Variants in WDR7 observed in about 807,000 individuals in gnomAD.
WDR7 encodes WD repeat domain 7, also known as WD repeat-containing protein 7.
A neutral mutation model predicts 169.4 loss-of-function variants in WDR7; 46 were observed. The ratio of observed to expected loss-of-function variants is 0.27; its 90% CI spans 0.21 to 0.35. The LOEUF is 0.35. Ranked by LOEUF, WDR7 falls within the 10% of genes least tolerant of loss-of-function variation. The pLI, the probability that WDR7 is intolerant of heterozygous loss-of-function variation, is 1.00. For synonymous variants in WDR7, 612 were observed against 666.8 expected, an observed-to-expected ratio of 0.92 and a Z score of 1.27; for missense variants, 1,534 against 1,859.3, an observed-to-expected ratio of 0.83 and a Z score of 3.22.
chr18:56,724,999 C>A (rs576125487), intron 13 of WDR7, among the ~76,000 whole-genome samples: 1 of 151,920 alleles, frequency 6.6e-6, no homozygotes, highest in African/African-American at 2.4e-5. Context: ...TTTTTTATGG[C>A]TGCATAGTAT....
rs201100872 is a variant in WDR7 at position 56,691,288 on chromosome 18, G to C, written c.790G>C (p.Asp264His). 9.3e-6 allele frequency: 15 copies of C among 1,608,262 alleles called. No homozygotes were observed. Among genetic ancestry groups the C allele is most frequent in the Non-Finnish European group, 1.3e-5 (15 of 1,178,860 alleles). Residue 264 changes from aspartate to histidine, a missense_variant, in exon 8 of 28, where the codon GAC becomes CAC. By Grantham distance (81) the Asp-to-His change is moderately conservative. Coordinates refer to ENST00000254442, the MANE Select transcript of WDR7 (RefSeq NM_015285.3). ...AAATGGACAGACATGGACCGGGGGGGACTTTGTCTCATCAGATAAAGTCAT... is the reference window on the plus strand; with the variant it reads ...AAATGGACAGACATGGACCGGGGGGCACTTTGTCTCATCAGATAAAGTCAT... ...SENGQTWTGG[D>H]FVSSDKVIIW...
In WDR7 at chr18:57,027,283, A is replaced by G. The variant is rs1305777572; in HGVS notation, c.*76A>G. 2.3e-5 allele frequency: 34 copies of G among 1,507,838 alleles called. No individual in the cohort carries two copies. The highest frequency in any genetic ancestry group is 3.0e-5 in the Non-Finnish European group (34 of 1,125,432). The allele number at this position is 1,507,838 out of a possible 1,614,324, so 93.4% of individuals were successfully genotyped here. ...CCGATGTTGCTCTGTCCTTCCTCACACCAGATTGTTCCCAGGGGCCTGCCC... is the reference window on the plus strand; with the variant it reads ...CCGATGTTGCTCTGTCCTTCCTCACGCCAGATTGTTCCCAGGGGCCTGCCC... On this transcript the variant is annotated 3_prime_UTR_variant, in exon 28 of 28. Transcript: ENST00000254442.
At chr18:56,735,808 A>G (rs1484297342) in intron 14 of WDR7, among the ~76,000 whole-genome samples, 1 of 152,232 alleles carries the variant, frequency 6.6e-6, no homozygotes, top group Non-Finnish European at 1.5e-5. Flanking sequence ...ACAAATGAGC[A>G]TGACTGCTTT....
At chr18:56,931,684 T>C (rs1169426405) in intron 22 of WDR7, among the ~76,000 whole-genome samples, 2 of 152,232 alleles carry the variant, frequency 1.3e-5, no homozygotes, top group Non-Finnish European at 2.9e-5. Context: ...TGGGGTTTGC[T>C]GTTGATTATT....
chr18:56,708,787 A>T (rs1286081073), intron 12 of WDR7, among the ~76,000 whole-genome samples: 3 of 151,958 alleles, frequency 2.0e-5, no homozygotes, highest in Non-Finnish European at 4.4e-5. Context: ...ATACAAAAAA[A>T]TTATCCAGGC....
At chr18:56,812,885 G>A (rs185510458) in intron 19 of WDR7, among the ~76,000 whole-genome samples, 86 of 152,066 alleles carry the variant, frequency 5.7e-4, no homozygotes, top group African/African-American at 1.9e-3. Context: ...AGGAAACACC[G>A]TCACACACAT....
At chr18:56,950,747 A>G (rs1461875297) in intron 25 of WDR7, among the ~76,000 whole-genome samples, 12 of 152,156 alleles carry the variant, frequency 7.9e-5, no homozygotes, top group Non-Finnish European at 1.5e-5. Flanking sequence ...TTAAAGGACC[A>G]TTAACTTTTC....
chr18:56,799,853 G>A (rs2044643726), intron 19 of WDR7, among the ~76,000 whole-genome samples: 1 of 152,086 alleles, frequency 6.6e-6, no homozygotes, highest in Admixed American at 6.5e-5. Flanking sequence ...TTTTATTGCT[G>A]GCATTCTCTG....
At position 56,907,340 on chromosome 18, in the gene WDR7, A is replaced by G. The variant is rs557272776; in HGVS notation, c.3527-16582A>G. On this transcript the variant is annotated intron_variant, in intron 21 of 27. Coordinates refer to ENST00000254442, the MANE Select transcript of WDR7 (RefSeq NM_015285.3). ...GTGATCAAAAATGGTTAAAATGACA[A>G]CAGTTATAATGACAATAACTTTGAA... Among the ~76,000 whole-genome samples, 6 of 152,262 alleles carry G rather than the reference A, an allele frequency of 3.9e-5. No homozygotes were observed. In the South Asian group the frequency reaches 1.2e-3, roughly 32 times the overall value.
At chr18:56,787,608 T>G (rs543859008) in intron 19 of WDR7, among the ~76,000 whole-genome samples, 1 of 152,212 alleles carries the variant, frequency 6.6e-6, no homozygotes, top group African/African-American at 2.4e-5. Context: ...TAGGCTCGTC[T>G]TTTTATCCCC....
chr18:56,717,867 C>A, intron 12 of WDR7, 97 bp from the exon 13 acceptor site: 1 of 1,230,820 alleles, frequency 8.1e-7, no homozygotes, highest in South Asian at 1.9e-5. Context: ...TCAGTGGCAG[C>A]AAATGTATAA....
chr18:56,764,000 A>G (rs907944482), intron 16 of WDR7, among the ~76,000 whole-genome samples: 30 of 151,976 alleles, frequency 2.0e-4, no homozygotes, highest in African/African-American at 7.2e-4. Context: ...TTTTCAAAGA[A>G]CTAGCCTTCT....
chr18:56,751,024 GTTATC>G (rs891831951), intron 14 of WDR7, among the ~76,000 whole-genome samples: 1 of 151,778 alleles, frequency 6.6e-6, no homozygotes, highest in African/African-American at 2.4e-5. Context: ...GTCTCCTCCT[GTTATC>G]TTCTCATCTG....
chr18:56,876,948 G>A (rs78472486), intron 20 of WDR7, among the ~76,000 whole-genome samples: 405 of 152,194 alleles, frequency 2.7e-3, no homozygotes, highest in Non-Finnish European at 4.3e-3. Flanking sequence ...TTTGGGAGGC[G>A]AAGGCAGGAA....
Position 56,938,658 on chromosome 18 carries a change from A to G in WDR7, c.3957A>G (p.Thr1319=). ...VIEILIEKMP[T]DVVDLLVEVM... ...AAATTCTTATTGAAAAGATGCCCACAGATGTTGTGGATCTTCTCGTGGAGG... is the reference window on the plus strand; with the variant it reads ...AAATTCTTATTGAAAAGATGCCCACGGATGTTGTGGATCTTCTCGTGGAGG... The change falls in exon 24 of 28, where the codon ACA becomes ACG. Residue 1319 remains threonine, a synonymous_variant. Coordinates refer to ENST00000254442, the MANE Select transcript of WDR7 (RefSeq NM_015285.3). 2 of 1,613,750 alleles carry G rather than the reference A, an allele frequency of 1.2e-6. No individual in the cohort carries two copies. The highest frequency in any genetic ancestry group is 1.7e-5 in the Admixed American group (1 of 59,968).
intron 26 of WDR7, among the ~76,000 whole-genome samples, chr18:56,971,008 G>A (rs1252166711): frequency 1.3e-5 from 2 of 152,074 alleles, no homozygotes; most frequent in East Asian, 1.9e-4. Flanking sequence ...GCAGTGGCTC[G>A]CACCAGTAAT....
chr18:56,719,418 C>T (rs2026266742), intron 13 of WDR7, among the ~76,000 whole-genome samples: 1 of 151,916 alleles, frequency 6.6e-6, no homozygotes, highest in African/African-American at 2.4e-5. Flanking sequence ...AAAAATTAGC[C>T]GGGCATGTTG....
intron 2 of WDR7, among the ~76,000 whole-genome samples, chr18:56,678,205 G>A (rs1450967400): frequency 6.6e-6 from 1 of 152,096 alleles, no homozygotes; most frequent in Non-Finnish European, 1.5e-5. Flanking sequence ...TCAAAACAGA[G>A]AATTCAAACC....
chr18:56,954,806 T>G (rs1371243035), intron 25 of WDR7, among the ~76,000 whole-genome samples: 1 of 152,164 alleles, frequency 6.6e-6, no homozygotes, highest in African/African-American at 2.4e-5. Flanking sequence ...TTTAAAAAAT[T>G]CAAGGTAAAA....
Sources: allele counts gnomAD v4.1 joint callset (sites outside exome capture counted in the v4.1 genomes callset), GRCh38; gene constraint gnomAD v4.1.1; transcripts MANE v1.5; gene names NCBI Gene and HGNC (gene_info 2026-07-23, HGNC 2026-07-21).